Variants in KHDRBS1 observed in about 807,000 individuals in gnomAD.
KHDRBS1 encodes the protein KH domain-containing, RNA-binding, signal transduction-associated protein 1.
A neutral mutation model predicts 48.4 loss-of-function variants in KHDRBS1; 7 were observed. That is an observed-to-expected ratio of 0.14 (90% CI 0.08 to 0.27). The LOEUF (loss-of-function observed/expected upper bound fraction) is 0.27, where lower values mean the gene tolerates loss of function less well. Ranked by LOEUF, KHDRBS1 falls within the 10% of genes least tolerant of loss-of-function variation. The probability of loss-of-function intolerance (pLI) is 1.00; values close to 1 mark genes in which losing one functional copy is unlikely to be tolerated. For synonymous variants in KHDRBS1, 241 were observed against 235.8 expected (o/e 1.02, Z -0.20); for missense variants, 458 against 601.2 (o/e 0.76, Z 2.49).
At chr1:32,014,474 A>G (rs1638694739) in intron 1 of KHDRBS1, 97 bp downstream of exon 1, 2 of 1,196,156 alleles carry the variant, frequency 1.7e-6, no homozygotes, top group East Asian at 3.2e-5. Context: ...CTCGGGACCG[A>G]GGCAGTCGGG....
chr1:32,049,882 C>T (rs1005222163), intron 10 of KHDRBS1, among the ~76,000 whole-genome samples: 2 of 151,910 alleles, frequency 1.3e-5, no homozygotes, highest in Non-Finnish European at 2.9e-5. Context: ...AGGATGGTCT[C>T]GATCTCCTGA....
intron 6 of KHDRBS1, among the ~76,000 whole-genome samples, chr1:32,038,289 T>C (rs1448861359): frequency 6.6e-6 from 1 of 152,250 alleles, no homozygotes; most frequent in Non-Finnish European, 1.5e-5. Flanking sequence ...AATTTCTTAC[T>C]ACTAGTACTG....
chr1:32,016,799 T>C (rs1423938420), intron 1 of KHDRBS1, among the ~76,000 whole-genome samples: 3 of 152,196 alleles, frequency 2.0e-5, no homozygotes, highest in African/African-American at 4.8e-5. Flanking sequence ...TGATTACCCA[T>C]TCTCCATGGC....
intron 5 of KHDRBS1, among the ~76,000 whole-genome samples, chr1:32,037,281 G>A (rs1025128635): frequency 6.6e-6 from 1 of 152,012 alleles, no homozygotes; most frequent in Non-Finnish European, 1.5e-5. Context: ...GTGAAACCCT[G>A]TCTCTACTAA....
chr1:32,058,247 C>G (rs1458257587), intron 10 of KHDRBS1, among the ~76,000 whole-genome samples: 1 of 152,084 alleles, frequency 6.6e-6, no homozygotes, highest in African/African-American at 2.4e-5. Context: ...GCCACTGCAC[C>G]CAGCTTATTT....
intron 1 of KHDRBS1, among the ~76,000 whole-genome samples, chr1:32,022,219 G>A (rs1225686951): frequency 6.6e-6 from 1 of 151,476 alleles, no homozygotes; most frequent in Non-Finnish European, 1.5e-5. Flanking sequence ...CACCATGTTG[G>A]CCAGGATAGT....
chr1:32,032,614 G>A (rs1475554019), intron 3 of KHDRBS1, among the ~76,000 whole-genome samples: 1 of 152,094 alleles, frequency 6.6e-6, no homozygotes, highest in Admixed American at 6.6e-5. Context: ...GATATCTCAG[G>A]GATTTAAGAC....
rs375755192 is a variant in KHDRBS1, at chr1:32,030,326, A to G, written c.411A>G (p.Ser137=). Residue 137 remains serine, a synonymous_variant, in exon 2 of 9, where the codon TCA becomes TCG. Coordinates refer to ENST00000327300, the MANE Select transcript of KHDRBS1 (RefSeq NM_006559.3). The stretch of plus-strand genomic sequence containing the variant: ...TTGAGAAGATTCAGAAAGGAGACTC[A>G]AAAAAGGATGATGAGGAGAATTACT... ...AEIEKIQKGD[S]KKDDEENYLD... The G allele has an allele frequency of 6.2e-7, 1 of 1,608,358 alleles. No homozygotes were observed. Among genetic ancestry groups the G allele is most frequent in the African/African-American group, 1.3e-5 (1 of 74,812 alleles).
chr1:32,036,799 C>T, intron 4 of KHDRBS1, 111 bp from the exon 5 acceptor site: 6 of 1,179,572 alleles, frequency 5.1e-6, no homozygotes, highest in Non-Finnish European at 7.1e-6. Context: ...CCTGAGACCT[C>T]ATCTGGGCTC....
rs1639213501 is a variant in KHDRBS1 at position 32,037,886 on chromosome 1, A to G, written c.957A>G (p.Val319=). Residue 319 remains valine (V), a synonymous_variant, in exon 6 of 9, where the codon GTA becomes GTG. Coordinates refer to ENST00000327300, the MANE Select transcript of KHDRBS1 (RefSeq NM_006559.3). ...GGGCTTTGGTACGTGGTACACCAGT[A>G]AGGGGAGCCATCACCAGAGGTGCCA... is the stretch of plus-strand genomic sequence containing the variant. The part of the protein sequence containing the change: ...PRGALVRGTP[V]RGAITRGATV... 6.2e-7 allele frequency: 1 copy of G among 1,614,220 alleles called. No individual in the cohort carries two copies. The highest frequency in any genetic ancestry group is 1.1e-5 in the South Asian group (1 of 91,084).
At chr1:32,033,444 CAA>C (rs1639118764) in intron 4 of KHDRBS1, 110 bp downstream of exon 4, 1 of 1,385,920 alleles carries the variant, frequency 7.2e-7, no homozygotes, top group Non-Finnish European at 9.8e-7. Context: ...GTATGTATAC[CAA>C]ATTCTGCACT....
chr1:32,053,894 C>T lies in KHDRBS1; in HGVS notation n.1302-6269C>T, dbSNP rs367884269. Among the ~76,000 whole-genome samples the T allele has an allele frequency of 2.5e-3, 375 of 152,104 alleles. 2 individuals are homozygous for T. In the South Asian group the frequency reaches 0.029, roughly 12 times the overall value. ...AGTCAGGAGTTCGAGACCAGCCTGA[C>T]CAACATGGAGAAACCCCGTCTCTAC... is the stretch of plus-strand genomic sequence containing the variant. On this transcript the variant is annotated intron_variant and non_coding_transcript_variant, in intron 10 of 10. Transcript: ENST00000484270.
Position 32,032,110 on chromosome 1 carries a change from AATGT to A in KHDRBS1, c.624+473_624+476del, listed in dbSNP as rs1479710678. 2.0e-5 allele frequency among the ~76,000 whole-genome samples: 3 copies of A among 152,338 alleles called. No homozygotes were observed. In the East Asian group the frequency reaches 5.8e-4, roughly 29 times the overall value. ...TTTGGAATGTGAGGCTCACTAAAAG[AATGT>A]ATTCCAAAAGGAACCATGAGTAATC... is the stretch of plus-strand genomic sequence containing the variant. On this transcript the variant is annotated intron_variant, in intron 3 of 8. Transcript: ENST00000327300.
At chr1:32,057,181 TTTTTTA>T (rs1260940204) in intron 10 of KHDRBS1, among the ~76,000 whole-genome samples, 1 of 152,152 alleles carries the variant, frequency 6.6e-6, no homozygotes, top group Non-Finnish European at 1.5e-5. Context: ...AATCTGGACC[TTTTTTA>T]TTTTTATTTT....
At chr1:32,051,990 C>T (rs1259443216) in intron 10 of KHDRBS1, among the ~76,000 whole-genome samples, 1 of 152,170 alleles carries the variant, frequency 6.6e-6, no homozygotes, top group Non-Finnish European at 1.5e-5. Flanking sequence ...ATTTTTTTCC[C>T]TCATTTTATT....
intron 10 of KHDRBS1, among the ~76,000 whole-genome samples, chr1:32,050,631 C>T (rs997730335): frequency 1.3e-5 from 2 of 151,512 alleles, no homozygotes; most frequent in African/African-American, 4.8e-5. Context: ...TCATGCTTCA[C>T]CCTCCCAAGT....
At chr1:32,041,115 G>A (rs930382073) in intron 8 of KHDRBS1, among the ~76,000 whole-genome samples, 1 of 152,124 alleles carries the variant, frequency 6.6e-6, no homozygotes, top group African/African-American at 2.4e-5. Context: ...CTGATACGAC[G>A]TTGCCACAGT....
intron 10 of KHDRBS1, among the ~76,000 whole-genome samples, chr1:32,057,572 G>A (rs1209099841): frequency 1.3e-5 from 2 of 151,194 alleles, no homozygotes; most frequent in East Asian, 1.9e-4. Flanking sequence ...AGGCTGAGGC[G>A]GGCGGATCAC....
chr1:32,056,065 C>T (rs141648042), intron 10 of KHDRBS1, among the ~76,000 whole-genome samples: 1 of 152,248 alleles, frequency 6.6e-6, no homozygotes, highest in Non-Finnish European at 1.5e-5. Context: ...AATTTCATAG[C>T]CGTGCTGCTA....
Sources: gnomAD v4.1 joint callset for allele counts (sites outside exome capture counted in the v4.1 genomes callset) on GRCh38, gnomAD v4.1.1 for gene constraint, MANE v1.5 for transcripts, NCBI Gene and HGNC (gene_info 2026-07-23, HGNC 2026-07-21) for gene names.